MYL7: variants seen among roughly 807,000 people sequenced by gnomAD.
MYL7 encodes the protein myosin light chain 7.
A neutral mutation model predicts 22.5 loss-of-function variants in MYL7; 27 were observed. The ratio of observed to expected loss-of-function variants is 1.20; its 90% CI spans 0.89 to 1.66. MYL7 has a LOEUF of 1.66. Ranked by LOEUF, MYL7 falls within the 40% of genes most tolerant of loss-of-function variation. The probability of loss-of-function intolerance (pLI) is 0.00; values close to 1 mark genes in which losing one functional copy is unlikely to be tolerated. For synonymous variants in MYL7, 81 were observed against 84.4 expected, an observed-to-expected ratio of 0.96 and a Z score of 0.22; for missense variants, 209 against 226.8, an observed-to-expected ratio of 0.92 and a Z score of 0.50.
At chr7:44,139,663 G>A in intron 5 of MYL7, 94 bp from the exon 6 acceptor site, 1 of 1,563,454 alleles carries the variant, frequency 6.4e-7, no homozygotes. Flanking sequence ...GGGAAGGGTT[G>A]GCTGCACCCC....
Position 44,140,491 on chromosome 7 carries a change from G to A in MYL7, c.194-64C>T, listed in dbSNP as rs564448793. On this transcript the variant is annotated intron_variant, in intron 3 of 6. Transcript: ENST00000223364. ...GGGTGTCCCCCAGAAGGCCCAGGCC[G>A]CCCTCCCTCCATCCTGGCCACAGGG... 2.0e-4 allele frequency: 290 copies of A among 1,419,866 alleles called. 3 individuals are homozygous for A. In the African/African-American group the frequency reaches 3.0e-3, roughly 15 times the overall value. The allele number at this position is 1,419,866 out of a possible 1,614,324, so 88.0% of individuals were successfully genotyped here.
chr7:44,139,912 C>T (rs764051011), intron 4 of MYL7, 52 bp from the exon 5 acceptor site: 31 of 1,531,050 alleles, frequency 2.0e-5, no homozygotes, highest in Non-Finnish European at 2.6e-5. Flanking sequence ...CATCCCAGGT[C>T]CCCCGCAGGA....
chr7:44,140,560 A>C (rs1216443517), intron 3 of MYL7, 133 bp from the exon 4 acceptor site: 1 of 1,146,322 alleles, frequency 8.7e-7, no homozygotes, highest in African/African-American at 1.5e-5. Flanking sequence ...GGTGAAGTGG[A>C]AGCAAGGCGT....
At chr7:44,139,404 G>T in intron 6 of MYL7, 117 bp downstream of exon 6, 2 of 1,165,136 alleles carry the variant, frequency 1.7e-6, no homozygotes, top group Non-Finnish European at 1.3e-6. Flanking sequence ...ACCTCCTCCA[G>T]AAGGGCCCTC....
intron 4 of MYL7, 91 bp from the exon 5 acceptor site, chr7:44,139,951 C>CCTCTTCTGGGATGTGGG: frequency 2.6e-6 from 3 of 1,162,376 alleles, no homozygotes; most frequent in Non-Finnish European, 3.6e-6. Flanking sequence ...GAGCCTCCCA[C>CCTCTTCTGGGATGTGGG]ATCCCAGAAG....
chr7:44,140,910 G>T, intron 2 of MYL7, 51 bp downstream of exon 2: 3 of 1,559,194 alleles, frequency 1.9e-6, no homozygotes, highest in Non-Finnish European at 2.6e-6. Context: ...TATGTGGGGT[G>T]GGGTGGGGGG....
intron 5 of MYL7, 72 bp from the exon 6 acceptor site, chr7:44,139,641 T>G: frequency 6.4e-7 from 1 of 1,574,238 alleles, no homozygotes; most frequent in Non-Finnish European, 8.6e-7. Flanking sequence ...GTACGGAGGC[T>G]CCCATGGCGC....
At chr7:44,139,954 C>T in intron 4 of MYL7, 94 bp from the exon 5 acceptor site, 4 of 1,102,846 alleles carry the variant, frequency 3.6e-6, no homozygotes, top group Non-Finnish European at 5.1e-6. Flanking sequence ...CCTCCCACAT[C>T]CCAGAAGAGG....
In MYL7 at chr7:44,140,401, G is replaced by C. The variant is rs562583838; in HGVS notation, c.220C>G (p.Leu74Val). The part of the protein sequence containing the change: ...LGKVSVPEEE[L>V]DAMLQEGKGP... ...TTGCCCTCTTGCAGCATGGCGTCCAGCTCCTCCTCTGGGACACTCACCTTC... is the reference window on the plus strand; with the variant it reads ...TTGCCCTCTTGCAGCATGGCGTCCACCTCCTCCTCTGGGACACTCACCTTC... The change falls in exon 4 of 7, where the codon CTG becomes GTG. Residue 74 changes from leucine (L) to valine (V), a missense_variant. By Grantham distance (32) the Leu-to-Val change is conservative (BLOSUM62 1). Coordinates refer to ENST00000223364, the MANE Select transcript of MYL7 (RefSeq NM_021223.3). 2 of 1,613,912 alleles carry C rather than the reference G, an allele frequency of 1.2e-6. No homozygotes were observed. Among genetic ancestry groups the C allele is most frequent in the East Asian group, 2.2e-5 (1 of 44,846 alleles).
In MYL7 at chr7:44,139,393, C is replaced by T. The variant is rs1441299256; in HGVS notation, c.426+128G>A. On this transcript the variant is annotated intron_variant, in intron 6 of 6. Transcript: ENST00000223364. Reference sequence around the variant, plus strand: ...ACCCTCTAGGTCTCAACAGAGATGGCACCTCCTCCAGAAGGGCCCTCGGCT... The same window carrying T: ...ACCCTCTAGGTCTCAACAGAGATGGTACCTCCTCCAGAAGGGCCCTCGGCT... The T allele has an allele frequency of 5.8e-6, 6 of 1,038,780 alleles. 1 individual carries two copies. In the South Asian group the frequency reaches 6.3e-5, roughly 11 times the overall value. The allele number at this position is 1,038,780 out of a possible 1,614,324, so 64.3% of individuals were successfully genotyped here.
In MYL7 at chr7:44,139,339, C is replaced by G. The variant is rs140160059; in HGVS notation, c.426+182G>C. ...TGCACAGTCTCCCTGCCTGGCGCAC[C>G]CTGCCCTCTTTTCTGACTCCACATC... On this transcript the variant is annotated intron_variant, in intron 6 of 6. Coordinates refer to ENST00000223364, the MANE Select transcript of MYL7 (RefSeq NM_021223.3). 1,592 of 777,936 alleles carry G rather than the reference C, an allele frequency of 2.0e-3. 15 individuals carry two copies. In the African/African-American group the frequency reaches 0.021, roughly 10 times the overall value. The allele number at this position is 777,936 out of a possible 1,614,324, so 48.2% of individuals were successfully genotyped here.
Position 44,139,634 on chromosome 7 carries a change from C to A in MYL7, c.378-65G>T, listed in dbSNP as rs190549771. On this transcript the variant is annotated intron_variant, in intron 5 of 6. Transcript: ENST00000223364. ...AGTGACTGCACAGGGAAGGTGGGTA[C>A]GGAGGCTCCCATGGCGCAGGGAAGG... The A allele has an allele frequency of 1.9e-6, 3 of 1,575,498 alleles. 1 individual carries two copies. The African/African-American group carries it at 4.1e-5, about 21-fold the overall frequency.
rs1562707847 is a variant in MYL7, at chr7:44,140,902, T to TGTGGG, written c.117+54_117+58dup. The TGTGGG allele has an allele frequency of 6.5e-6, 4 of 615,882 alleles. No individual in the cohort carries two copies. In the South Asian group the frequency reaches 6.6e-5, roughly 10 times the overall value. 38.2% of individuals were successfully genotyped at this position (615,882 alleles called of 1,614,324 possible). A position where few individuals can be genotyped will look rare whatever the true frequency, so the allele number is the denominator to read the frequency against. On this transcript the variant is annotated intron_variant, in intron 2 of 6. Transcript: ENST00000223364. The stretch of plus-strand genomic sequence containing the variant: ...GGTCAGGGTAGAAGGGGGGTATGTA[T>TGTGGG]GTGGGGTGGGGTGGGGGGGCCAGGA...
At position 44,140,342 on chromosome 7, in the gene MYL7, G is replaced by T; in HGVS notation, c.279C>A (p.Leu93=). 1 of 1,614,032 alleles carries T rather than the reference G, an allele frequency of 6.2e-7. No individual in the cohort carries two copies. Among genetic ancestry groups the T allele is most frequent in the Non-Finnish European group, 8.5e-7 (1 of 1,179,976 alleles). The change falls in exon 4 of 7, where the codon CTC becomes CTA. Residue 93 remains leucine (L), a synonymous_variant. Transcript: ENST00000223364. ...GCTCACCATTGAGCTTCTCCCCAAA[G>T]AGCGTGAGGAAGACGGTGAAGTTGA... ...GPINFTVFLT[L]FGEKLNGTDP...
chr7:44,141,007 T>G lies in MYL7; in HGVS notation c.71A>C (p.Asn24Thr), dbSNP rs757010745. The G allele has an allele frequency of 1.2e-6, 2 of 1,613,942 alleles. No individual in the cohort carries two copies. The highest frequency in any genetic ancestry group is 8.5e-7 in the Non-Finnish European group (1 of 1,179,954). The change falls in exon 2 of 7, where the codon AAC becomes ACC. Residue 24 changes from asparagine (N) to threonine (T), a missense_variant. By Grantham distance (65) the Asn-to-Thr change is moderately conservative (BLOSUM62 0). Transcript: ENST00000223364. ...GGCTTGTTCAAACATGGAAAAGACG[T>G]TGGAAGAACCACGTTGGGCCTGCTT... ...ATKQAQRGSS[N>T]VFSMFEQAQI...
At chr7:44,139,450 G>A (rs1161556588) in intron 6 of MYL7, 71 bp downstream of exon 6, 5 of 1,541,120 alleles carry the variant, frequency 3.2e-6, no homozygotes, top group Non-Finnish European at 4.5e-6. Context: ...ACTGGTACTG[G>A]GCTCTGGGTC....
intron 1 of MYL7, 63 bp downstream of exon 1, chr7:44,141,239 CT>C (rs2096265332): frequency 1.2e-6 from 2 of 1,613,196 alleles, no homozygotes; most frequent in Admixed American, 3.3e-5. Flanking sequence ...GAAAACTCTG[CT>C]CCCCCAGCCC....
chr7:44,140,566 G>T, intron 3 of MYL7, 139 bp from the exon 4 acceptor site: 1 of 1,127,606 alleles, frequency 8.9e-7, no homozygotes, highest in Non-Finnish European at 1.3e-6. Context: ...GTGGAAGCAA[G>T]GCGTGACAAG....
intron 5 of MYL7, 84 bp from the exon 6 acceptor site, chr7:44,139,653 G>A: frequency 6.4e-7 from 1 of 1,572,300 alleles, no homozygotes; most frequent in Non-Finnish European, 8.7e-7. Flanking sequence ...CCATGGCGCA[G>A]GGAAGGGTTG....
Sources: allele counts gnomAD v4.1 joint callset, GRCh38; gene constraint gnomAD v4.1.1; transcripts MANE v1.5; gene names NCBI Gene and HGNC (gene_info 2026-07-23, HGNC 2026-07-21).